WDR59: variants seen among roughly 807,000 people sequenced by gnomAD.
The protein encoded by WDR59 is WD repeat domain 59, also known as GATOR2 complex protein WDR59.
A neutral mutation model predicts 131.2 loss-of-function variants in WDR59; 100 were observed. That is an observed-to-expected ratio of 0.76 (90% CI 0.65 to 0.90). The LOEUF is 0.90. WDR59 is among the 40% of genes least tolerant of loss of function. The pLI, the probability that WDR59 is intolerant of heterozygous loss-of-function variation, is 0.00. For synonymous variants in WDR59, 601 were observed against 466.2 expected (o/e 1.29, Z -3.72); for missense variants, 1,203 against 1,262.2 (o/e 0.95, Z 0.71).
chr16:74,873,144 AG>A lies in WDR59; in HGVS notation c.*1064del, dbSNP rs2144733096. 6.6e-6 allele frequency: 1 copy of A among 152,318 alleles called. No individual in the cohort carries two copies. The highest frequency in any genetic ancestry group is 1.9e-4 in the East Asian group (1 of 5,162). 9.4% of individuals were successfully genotyped at this position (152,318 alleles called of 1,614,324 possible). A position where few individuals can be genotyped will look rare whatever the true frequency, so the allele number is the denominator to read the frequency against. On this transcript the variant is annotated 3_prime_UTR_variant, in exon 26 of 26. Coordinates refer to ENST00000262144, the MANE Select transcript of WDR59 (RefSeq NM_030581.4). ...AGGCTAGTCTCGAACTCCTGACCTC[AG>A]GTAATCCTCCCACCTCAGCCTCCCA... is the stretch of plus-strand genomic sequence containing the variant.
At chr16:74,906,226 A>G (rs886715598) in intron 17 of WDR59, among the ~76,000 whole-genome samples, 1 of 143,140 alleles carries the variant, frequency 7.0e-6, no homozygotes, top group Non-Finnish European at 1.5e-5. Flanking sequence ...AGGCAGGAGA[A>G]TGGCGTGAAC....
chr16:74,975,382 G>A (rs1020602042), intron 1 of WDR59, among the ~76,000 whole-genome samples: 1 of 150,996 alleles, frequency 6.6e-6, no homozygotes, highest in Non-Finnish European at 1.5e-5. Context: ...AAAAAACAAG[G>A]CTGGGCACAG....
chr16:74,916,004 G>C lies in WDR59; in HGVS notation c.1100-10C>G. The C allele has an allele frequency of 1.9e-6, 3 of 1,614,186 alleles. No individual in the cohort carries two copies. Among genetic ancestry groups the C allele is most frequent in the Non-Finnish European group, 8.5e-7 (1 of 1,180,030 alleles). Reference sequence around the variant, plus strand: ...GGATCTTCTTTTAGGGCTAGCAGGAGAGAGAAGTTCAATGTTGGAAAGCAT... The same window carrying C: ...GGATCTTCTTTTAGGGCTAGCAGGACAGAGAAGTTCAATGTTGGAAAGCAT... On this transcript the variant is annotated splice_polypyrimidine_tract_variant and intron_variant, in intron 12 of 25. Coordinates refer to ENST00000262144, the MANE Select transcript of WDR59 (RefSeq NM_030581.4).
At position 74,923,916 on chromosome 16, in the gene WDR59, G is replaced by GCCACCCTGC. The variant is rs1567724470; in HGVS notation, c.729+9_729+10insGCAGGGTGG. On this transcript the variant is annotated intron_variant, in intron 9 of 25. Coordinates refer to ENST00000262144, the MANE Select transcript of WDR59 (RefSeq NM_030581.4). The stretch of plus-strand genomic sequence containing the variant: ...AAGTTTCTTATCAAGAGGCAGGGTG[G>GCCACCCTGC]CTCACTCACTGTGTATCTGGCCTTC... The GCCACCCTGC allele has an allele frequency of 6.2e-6, 10 of 1,612,138 alleles. No individual in the cohort carries two copies. The highest frequency in any genetic ancestry group is 8.5e-6 in the Non-Finnish European group (10 of 1,179,266).
chr16:74,925,693 C>A (rs551130468), intron 8 of WDR59, among the ~76,000 whole-genome samples: 1 of 151,978 alleles, frequency 6.6e-6, no homozygotes, highest in East Asian at 1.9e-4. Context: ...TGTTTGATAC[C>A]CTGTGTGGGC....
chr16:74,910,005 T>C (rs151100810), intron 14 of WDR59, 88 bp from the exon 15 acceptor site: 19 of 1,134,824 alleles, frequency 1.7e-5, no homozygotes, highest in Admixed American at 1.6e-4. Context: ...TCTCTCTTTG[T>C]TGCCCAGGCT....
At chr16:74,902,368 A>C (rs1965594335) in intron 18 of WDR59, among the ~76,000 whole-genome samples, 1 of 152,134 alleles carries the variant, frequency 6.6e-6, no homozygotes, top group Non-Finnish European at 1.5e-5. Context: ...TGCAGATACT[A>C]TCAGATATTC....
At chr16:74,931,391 A>G (rs1274547386) in intron 8 of WDR59, among the ~76,000 whole-genome samples, 1 of 152,100 alleles carries the variant, frequency 6.6e-6, no homozygotes, top group Non-Finnish European at 1.5e-5. Context: ...GTTGGAGTGC[A>G]GCGGCACAAT....
intron 13 of WDR59, 74 bp downstream of exon 13, chr16:74,915,796 T>C (rs1432378660): frequency 1.3e-6 from 2 of 1,595,210 alleles, no homozygotes; most frequent in African/African-American, 2.7e-5. Flanking sequence ...CTAACTGAAA[T>C]CATTGCTGAA....
At chr16:74,972,402 T>C (rs2034017548) in intron 1 of WDR59, among the ~76,000 whole-genome samples, 1 of 152,174 alleles carries the variant, frequency 6.6e-6, no homozygotes. Flanking sequence ...CTGAAGCACT[T>C]GGTTTCAGCA....
chr16:74,973,459 T>C (rs1039026701), intron 1 of WDR59, among the ~76,000 whole-genome samples: 1 of 152,090 alleles, frequency 6.6e-6, no homozygotes, highest in Non-Finnish European at 1.5e-5. Flanking sequence ...GCTAAGTTTT[T>C]CATTTTCTGT....
chr16:74,946,206 T>G (rs1050834805), intron 6 of WDR59, among the ~76,000 whole-genome samples: 6 of 152,206 alleles, frequency 3.9e-5, no homozygotes, highest in African/African-American at 1.4e-4. Context: ...GTGCCTAATT[T>G]ATAAATTAAA....
chr16:74,915,492 C>T (rs761283458), intron 13 of WDR59: 20 of 163,232 alleles, frequency 1.2e-4, no homozygotes, highest in Non-Finnish European at 2.2e-4. Flanking sequence ...GACAGTGGTG[C>T]GATCTTGGCT....
rs143684251 is a variant in WDR59 at position 74,983,136 on chromosome 16, G to A, written c.54+1828C>T. 6.6e-5 allele frequency among the ~76,000 whole-genome samples: 10 copies of A among 152,106 alleles called. No homozygotes were observed. The East Asian group carries it at 1.9e-3, about 29-fold the overall frequency. ...AGTGGGAGAATCGCCTGAGGCCAGG[G>A]GTTCAAGACCAGCCTGGGCAACACA... On this transcript the variant is annotated intron_variant, in intron 1 of 25. Coordinates refer to ENST00000262144, the MANE Select transcript of WDR59 (RefSeq NM_030581.4).
At chr16:74,946,972 G>A (rs1166436406) in intron 6 of WDR59, among the ~76,000 whole-genome samples, 1 of 152,146 alleles carries the variant, frequency 6.6e-6, no homozygotes, top group Non-Finnish European at 1.5e-5. Flanking sequence ...TCAAAATATT[G>A]ACAATTTAGC....
chr16:74,941,647 T>A (rs1353738149), intron 7 of WDR59, among the ~76,000 whole-genome samples: 1 of 144,798 alleles, frequency 6.9e-6, no homozygotes, highest in East Asian at 2.0e-4. Context: ...TGAGCCAAGG[T>A]CCCCACTGTA....
intron 1 of WDR59, among the ~76,000 whole-genome samples, chr16:74,968,648 G>C (rs552103988): frequency 6.6e-6 from 1 of 152,044 alleles, no homozygotes; most frequent in Non-Finnish European, 1.5e-5. Flanking sequence ...TTGAACCCAG[G>C]AAGTGGAGGC....
intron 18 of WDR59, among the ~76,000 whole-genome samples, chr16:74,899,464 A>G (rs1183315533): frequency 2.6e-5 from 4 of 152,208 alleles, no homozygotes; most frequent in South Asian, 2.1e-4. Flanking sequence ...TTCCTTTGCC[A>G]AAAGAGTCCA....
chr16:74,948,586 C>G, intron 5 of WDR59, 30 bp from the exon 6 acceptor site: 2 of 1,580,618 alleles, frequency 1.3e-6, no homozygotes, highest in African/African-American at 2.7e-5. Context: ...AATCAAATCC[C>G]CAATTTATAT....
Sources: gnomAD v4.1 joint callset for allele counts (sites outside exome capture counted in the v4.1 genomes callset) on GRCh38, gnomAD v4.1.1 for gene constraint, MANE v1.5 for transcripts, NCBI Gene and HGNC (gene_info 2026-07-23, HGNC 2026-07-21) for gene names.